GNA14: variants seen among roughly 807,000 people sequenced by gnomAD.
The protein encoded by GNA14 is G protein subunit alpha 14, also known as guanine nucleotide-binding protein subunit alpha-14.
A neutral mutation model predicts 42.0 loss-of-function variants in GNA14; 50 were observed. The ratio of observed to expected loss-of-function variants is 1.19; its 90% confidence interval spans 0.95 to 1.51. GNA14 has a LOEUF of 1.51. Ranked by LOEUF, GNA14 falls within the 40% of genes most tolerant of loss-of-function variation. The probability of loss-of-function intolerance (pLI) is 0.00; values close to 1 mark genes in which losing one functional copy is unlikely to be tolerated. For synonymous variants in GNA14, 173 were observed against 163.1 expected (o/e 1.06, Z -0.46); for missense variants, 473 against 446.2 (o/e 1.06, Z -0.54).
intron 1 of GNA14, among the ~76,000 whole-genome samples, chr9:77,563,323 C>T (rs1822913341): frequency 6.6e-6 from 1 of 151,990 alleles, no homozygotes; most frequent in Non-Finnish European, 1.5e-5. Context: ...TCCATGGTGA[C>T]AAGAGAGTGG....
intron 1 of GNA14, among the ~76,000 whole-genome samples, chr9:77,532,479 T>C (rs1392215717): frequency 2.6e-5 from 4 of 152,244 alleles, no homozygotes; most frequent in African/African-American, 9.6e-5. Flanking sequence ...ATGACAGCAG[T>C]GACCAGGACC....
chr9:77,438,108 G>A lies in GNA14; in HGVS notation c.310-3586C>T, dbSNP rs78773209. Among the ~76,000 whole-genome samples the A allele has an allele frequency of 0.017, 2,572 of 152,218 alleles. 104 individuals are homozygous for A. The East Asian group carries it at 0.19, about 11-fold the overall frequency. ...AGGAAGACATATTGTCTGTTTAGCC[G>A]GGTGAGGGGAATTTGGAGAATCTGG... On this transcript the variant is annotated intron_variant, in intron 2 of 6. Transcript: ENST00000341700.
chr9:77,455,514 G>A (rs76826239), intron 2 of GNA14, among the ~76,000 whole-genome samples: 12,050 of 152,220 alleles, frequency 0.079, 614 homozygotes, highest in African/African-American at 0.14. Flanking sequence ...ACCAGGGGGC[G>A]TGAATCTCAG....
At chr9:77,492,049 CTGAA>C (rs1836784906) in intron 2 of GNA14, among the ~76,000 whole-genome samples, 2 of 152,096 alleles carry the variant, frequency 1.3e-5, no homozygotes, top group Admixed American at 6.5e-5. Flanking sequence ...CAATACGCTC[CTGAA>C]TGACCAATGG....
chr9:77,562,051 T>C lies in GNA14; in HGVS notation c.125-32798A>G, dbSNP rs112195714. Among the ~76,000 whole-genome samples, 128 of 152,286 alleles carry C rather than the reference T, an allele frequency of 8.4e-4. 1 individual carries two copies. Among genetic ancestry groups the C allele is most frequent in the Non-Finnish European group, 1.6e-3 (106 of 68,024 alleles). ...TGAAAGGAATATGATAGGTTCACAA[T>C]ACGGATTAAGAAAACTCAGGAATCA... On this transcript the variant is annotated intron_variant, in intron 1 of 6. Coordinates refer to ENST00000341700, the MANE Select transcript of GNA14 (RefSeq NM_004297.4).
At chr9:77,593,360 C>G (rs1587841530) in intron 1 of GNA14, among the ~76,000 whole-genome samples, 1 of 143,800 alleles carries the variant, frequency 7.0e-6, no homozygotes, top group Non-Finnish European at 1.5e-5. Context: ...CGGAGTCTCA[C>G]TCTATTGTCC....
intron 2 of GNA14, among the ~76,000 whole-genome samples, chr9:77,448,862 G>C (rs115463934): frequency 0.02 from 3,048 of 152,254 alleles, 105 homozygotes; most frequent in African/African-American, 0.07. Context: ...TATTTAATTA[G>C]TGTAAAAAGC....
At chr9:77,584,134 A>G (rs1039602318) in intron 1 of GNA14, among the ~76,000 whole-genome samples, 1 of 152,178 alleles carries the variant, frequency 6.6e-6, no homozygotes, top group Non-Finnish European at 1.5e-5. Context: ...TCACTTGTTC[A>G]TTCCCATTCA....
At position 77,531,054 on chromosome 9, in the gene GNA14, G is replaced by C. The variant is rs144894428; in HGVS notation, c.125-1801C>G. On this transcript the variant is annotated intron_variant, in intron 1 of 6. Coordinates refer to ENST00000341700, the MANE Select transcript of GNA14 (RefSeq NM_004297.4). ...CAACAGTTAGCCCTGCCTGCTTTAG[G>C]CCCTCAAAGTGCCTTGGATACCCAG... 3.8e-3 allele frequency among the ~76,000 whole-genome samples: 578 copies of C among 152,282 alleles called. 5 individuals carry two copies. The highest frequency in any genetic ancestry group is 0.013 in the African/African-American group (552 of 41,548).
intron 1 of GNA14, among the ~76,000 whole-genome samples, chr9:77,539,753 T>G (rs1265139798): frequency 6.6e-6 from 1 of 152,202 alleles, no homozygotes; most frequent in Admixed American, 6.5e-5. Flanking sequence ...GTTGTATATT[T>G]ACAGGAATTT....
intron 1 of GNA14, among the ~76,000 whole-genome samples, chr9:77,592,962 C>T (rs1823412626): frequency 1.3e-5 from 2 of 152,008 alleles, no homozygotes; most frequent in Admixed American, 1.3e-4. Flanking sequence ...AGTATGCAGG[C>T]TTTTCTTCCT....
chr9:77,517,585 CTTTTCTTTTTTTTTT>C (rs1312317035), intron 2 of GNA14: 3 of 48,810 alleles, frequency 6.1e-5, no homozygotes, highest in African/African-American at 2.4e-4. Context: ...TATCCTGGTA[CTTTTCTTTTTTTTTT>C]TTTTTTTTTT....
intron 1 of GNA14, among the ~76,000 whole-genome samples, chr9:77,565,217 A>T (rs1822947741): frequency 6.6e-6 from 1 of 152,198 alleles, no homozygotes. Flanking sequence ...TCTGCTGTCC[A>T]GTATAGTAGC....
intron 1 of GNA14, among the ~76,000 whole-genome samples, chr9:77,642,222 G>A (rs959666289): frequency 6.6e-6 from 1 of 152,144 alleles, no homozygotes; most frequent in Non-Finnish European, 1.5e-5. Context: ...TATTTCAAAA[G>A]GTTCTGTATT....
At chr9:77,611,438 T>C (rs2117945309) in intron 1 of GNA14, among the ~76,000 whole-genome samples, 1 of 152,334 alleles carries the variant, frequency 6.6e-6, no homozygotes, top group Non-Finnish European at 1.5e-5. Flanking sequence ...AGCATGTCTG[T>C]CCTTTACTCT....
At position 77,647,891 on chromosome 9, in the gene GNA14, G is replaced by A. The variant is rs1824386428; in HGVS notation, c.-98C>T. ...CGGCCAGCATGCGACGGGCACAGGG[G>A]TGTGGAAAGAAAAGACGGGGGCCGA... On this transcript the variant is annotated 5_prime_UTR_variant, in exon 1 of 7. Transcript: ENST00000341700. 2 of 1,419,884 alleles carry A rather than the reference G, an allele frequency of 1.4e-6. No homozygotes were observed. The highest frequency in any genetic ancestry group is 1.9e-6 in the Non-Finnish European group (2 of 1,057,636). The allele number at this position is 1,419,884 out of a possible 1,614,324, so 88.0% of individuals were successfully genotyped here.
intron 2 of GNA14, among the ~76,000 whole-genome samples, chr9:77,450,133 G>T (rs763575265): frequency 1.3e-5 from 2 of 152,140 alleles, no homozygotes; most frequent in Non-Finnish European, 2.9e-5. Context: ...CTGGTTGCCG[G>T]CTGGTGGGAC....
chr9:77,493,002 GGAAAAAAAAAAA>G (rs1483325760), intron 2 of GNA14, among the ~76,000 whole-genome samples: 1 of 68,170 alleles, frequency 1.5e-5, no homozygotes, highest in African/African-American at 7.1e-5. Context: ...CTCCGTCTCA[GGAAAAAAAAAAA>G]AAAAAAAAAA....
At chr9:77,532,154 A>G (rs1305616359) in intron 1 of GNA14, among the ~76,000 whole-genome samples, 2 of 152,138 alleles carry the variant, frequency 1.3e-5, no homozygotes, top group African/African-American at 4.8e-5. Flanking sequence ...GGAAAATCAG[A>G]AAGATTAAAT....
Sources: gnomAD v4.1 joint callset for allele counts (sites outside exome capture counted in the v4.1 genomes callset) on GRCh38, gnomAD v4.1.1 for gene constraint, MANE v1.5 for transcripts, NCBI Gene and HGNC (gene_info 2026-07-23, HGNC 2026-07-21) for gene names.